The following CHST11 variants were observed in gnomAD, a reference collection of about 807,000 sequenced individuals.
CHST11 encodes the protein carbohydrate sulfotransferase 11.
In CHST11, 9 loss-of-function variants were observed where a neutral mutation model predicts 30.4. The observed-to-expected ratio is 0.30, with a 90% confidence interval of 0.18 to 0.52. CHST11 has a LOEUF of 0.52. Ranked by LOEUF, CHST11 falls within the 20% of genes least tolerant of loss-of-function variation. CHST11 has a pLI of 0.97. For synonymous variants in CHST11, 152 were observed against 187.8 expected (o/e 0.81, Z 1.56); for missense variants, 348 against 460.6 (o/e 0.76, Z 2.24).
chr12:104,735,135 T>C (rs1414795622), intron 2 of CHST11, among the ~76,000 whole-genome samples: 3 of 152,122 alleles, frequency 2.0e-5, no homozygotes, highest in African/African-American at 7.2e-5. Context: ...AGTTACAGTA[T>C]GTTGTGAGAA....
At chr12:104,591,010 C>T (rs2038852832) in intron 1 of CHST11, among the ~76,000 whole-genome samples, 1 of 151,960 alleles carries the variant, frequency 6.6e-6, no homozygotes, top group South Asian at 2.1e-4. Flanking sequence ...GGGAAGCTCT[C>T]TCTGGGGACC....
intron 2 of CHST11, among the ~76,000 whole-genome samples, chr12:104,691,679 G>C (rs1160579850): frequency 6.6e-6 from 1 of 151,934 alleles, no homozygotes; most frequent in Non-Finnish European, 1.5e-5. Flanking sequence ...TCATACAGTT[G>C]GGGTTTCACC....
At chr12:104,513,139 T>TGGGGG (rs1565969846) in intron 1 of CHST11, among the ~76,000 whole-genome samples, 10 of 2,930 alleles carry the variant, frequency 3.4e-3, no homozygotes, top group Admixed American at 7.6e-3. Context: ...GGGGGGGGGT[T>TGGGGG]GGGGGTGGGG....
At chr12:104,492,889 C>T (rs760441853) in intron 1 of CHST11, among the ~76,000 whole-genome samples, 9 of 152,044 alleles carry the variant, frequency 5.9e-5, no homozygotes, top group African/African-American at 2.2e-4. Flanking sequence ...AAAAATTAGC[C>T]GGGTATGGTG....
At chr12:104,559,285 T>C (rs1320430030) in intron 1 of CHST11, among the ~76,000 whole-genome samples, 1 of 152,224 alleles carries the variant, frequency 6.6e-6, no homozygotes, top group Non-Finnish European at 1.5e-5. Flanking sequence ...GTACTTGGCA[T>C]GTAGTAAATG....
chr12:104,512,032 G>C (rs1284239007), intron 1 of CHST11, among the ~76,000 whole-genome samples: 4 of 152,134 alleles, frequency 2.6e-5, no homozygotes, highest in Non-Finnish European at 5.9e-5. Context: ...GTGAGTAGTT[G>C]TTCCACTGTA....
At chr12:104,514,163 C>G in intron 1 of CHST11, 2 of 1,029,214 alleles carry the variant, frequency 1.9e-6, no homozygotes, top group Non-Finnish European at 3.0e-6. Flanking sequence ...ACAGCAGTTC[C>G]CTACTCCAGG....
chr12:104,694,807 T>C (rs2039929431), intron 2 of CHST11, among the ~76,000 whole-genome samples: 1 of 152,204 alleles, frequency 6.6e-6, no homozygotes. Context: ...CCTGCCTTCT[T>C]CTGGCATCAG....
chr12:104,741,831 G>A (rs917915575), intron 2 of CHST11, among the ~76,000 whole-genome samples: 4 of 152,170 alleles, frequency 2.6e-5, no homozygotes, highest in African/African-American at 4.8e-5. Context: ...GAATCATCAC[G>A]GGGCAGCGAT....
At chr12:104,606,184 G>GGA (rs2039003590) in intron 2 of CHST11, among the ~76,000 whole-genome samples, 2 of 130,052 alleles carry the variant, frequency 1.5e-5, no homozygotes, top group South Asian at 3.0e-4. Context: ...GCGGGGGGGG[G>GGA]AATGGCTCCA....
intron 2 of CHST11, among the ~76,000 whole-genome samples, chr12:104,690,786 C>T (rs1204059554): frequency 6.6e-6 from 1 of 152,110 alleles, no homozygotes; most frequent in Non-Finnish European, 1.5e-5. Context: ...CAGGATTGCA[C>T]CACTGCACTC....
At chr12:104,750,839 T>A (rs1434990493) in intron 2 of CHST11, among the ~76,000 whole-genome samples, 1 of 152,232 alleles carries the variant, frequency 6.6e-6, no homozygotes, top group African/African-American at 2.4e-5. Flanking sequence ...TACTGTCACC[T>A]GAAATTATTT....
intron 2 of CHST11, among the ~76,000 whole-genome samples, chr12:104,666,002 T>A (rs988310346): frequency 6.6e-6 from 1 of 151,838 alleles, no homozygotes; most frequent in Non-Finnish European, 1.5e-5. Flanking sequence ...TGTATTTTAA[T>A]AGAGATGGGG....
At chr12:104,563,172 C>G (rs2136018029) in intron 1 of CHST11, among the ~76,000 whole-genome samples, 1 of 152,284 alleles carries the variant, frequency 6.6e-6, no homozygotes, top group Non-Finnish European at 1.5e-5. Context: ...TCCCGAGTAG[C>G]TGGGATTACA....
At chr12:104,723,604 A>G (rs1027065021) in intron 2 of CHST11, among the ~76,000 whole-genome samples, 1 of 152,202 alleles carries the variant, frequency 6.6e-6, no homozygotes, top group Non-Finnish European at 1.5e-5. Context: ...ATAGAGAGAC[A>G]TGCCCCTGGG....
Position 104,601,911 on chromosome 12 carries a change from C to G in CHST11, c.124C>G (p.Arg42Gly), listed in dbSNP as rs560982261. 6.2e-7 allele frequency: 1 copy of G among 1,613,050 alleles called. No individual in the cohort carries two copies. The highest frequency in any genetic ancestry group is 8.5e-7 in the Non-Finnish European group (1 of 1,179,334). The change falls in exon 2 of 3, where the codon CGG (arginine) becomes GGG (glycine). Residue 42 changes from arginine (R) to glycine (G), a missense_variant. Coordinates refer to ENST00000303694, the MANE Select transcript of CHST11 (RefSeq NM_018413.6). ...CCTTCACTTTCTTTCCTCAGTCATG[C>G]GGAGGAATCCCTTTGGTGTGGACAT... is the stretch of plus-strand genomic sequence containing the variant. Reference protein sequence around the residue: ...YFQSMLHPVMRRNPFGVDICC... With the variant: ...YFQSMLHPVMGRNPFGVDICC...
At chr12:104,723,397 G>T in intron 2 of CHST11, among the ~76,000 whole-genome samples, 1 of 152,224 alleles carries the variant, frequency 6.6e-6, no homozygotes, top group East Asian at 1.9e-4. Flanking sequence ...TCTGCCCCAG[G>T]CCTCTGCCTG....
intron 2 of CHST11, among the ~76,000 whole-genome samples, chr12:104,750,428 C>CCTTTTTTT (rs1420945578): frequency 2.3e-4 from 11 of 48,836 alleles, no homozygotes; most frequent in African/African-American, 8.9e-4. Flanking sequence ...TATTTCTGCA[C>CCTTTTTTT]TTTTTTTTTT....
intron 2 of CHST11, among the ~76,000 whole-genome samples, chr12:104,684,530 T>C (rs1470818207): frequency 6.6e-6 from 1 of 152,124 alleles, no homozygotes; most frequent in Non-Finnish European, 1.5e-5. Context: ...TTGTTTTGTT[T>C]GATATGGTTT....
Sources: allele counts gnomAD v4.1 joint callset (sites outside exome capture counted in the v4.1 genomes callset), GRCh38; gene constraint gnomAD v4.1.1; transcripts MANE v1.5; gene names NCBI Gene and HGNC (gene_info 2026-07-23, HGNC 2026-07-21).